GRID2: variants seen among roughly 807,000 people sequenced by gnomAD.
GRID2 encodes glutamate receptor ionotropic, delta-2.
A neutral mutation model predicts 114.8 loss-of-function variants in GRID2; 33 were observed. The observed-to-expected ratio is 0.29, with a 90% CI of 0.22 to 0.38. The LOEUF is 0.38. Among genes scored for constraint, GRID2 ranks in the 10% least tolerant of loss-of-function variants. The pLI, the probability that GRID2 is intolerant of heterozygous loss-of-function variation, is 1.00. For missense variants in GRID2, 1,184 were observed against 1,257.7 expected (o/e 0.94, Z 0.89); for synonymous variants, 505 against 449.9 (o/e 1.12, Z -1.55).
chr4:92,512,682 C>G (rs1214890916), intron 1 of GRID2, among the ~76,000 whole-genome samples: 1 of 151,736 alleles, frequency 6.6e-6, no homozygotes, highest in African/African-American at 2.4e-5. Context: ...TTGCTTGGTG[C>G]CTACACCTTA....
At chr4:93,777,670 A>G (rs1190964991), downstream of GRID2, among the ~76,000 whole-genome samples, 1 of 152,240 alleles carries the variant, frequency 6.6e-6, no homozygotes, top group African/African-American at 2.4e-5. Flanking sequence ...CAAAATTTTC[A>G]GCACATTAAT....
At chr4:92,632,837 C>T (rs1730877717) in intron 2 of GRID2, among the ~76,000 whole-genome samples, 1 of 152,030 alleles carries the variant, frequency 6.6e-6, no homozygotes, top group Admixed American at 6.6e-5. Flanking sequence ...GGTTAATTAA[C>T]AATTTTTACA....
At chr4:93,189,286 T>G (rs1489856201) in intron 4 of GRID2, among the ~76,000 whole-genome samples, 2 of 152,168 alleles carry the variant, frequency 1.3e-5, no homozygotes, top group Admixed American at 1.3e-4. Flanking sequence ...AAGATCAAGG[T>G]GCCAACAGAT....
chr4:93,612,498 G>A (rs1490021182), intron 13 of GRID2, among the ~76,000 whole-genome samples: 3 of 120,686 alleles, frequency 2.5e-5, no homozygotes, highest in South Asian at 3.0e-4. Context: ...CTCTTTTAGG[G>A]CAGGCCTGGT....
At chr4:92,443,699 G>A (rs1204625419) in intron 1 of GRID2, among the ~76,000 whole-genome samples, 1 of 152,080 alleles carries the variant, frequency 6.6e-6, no homozygotes, top group Non-Finnish European at 1.5e-5. Context: ...CTGAGAAGGG[G>A]TAGAGACAAG....
intron 2 of GRID2, among the ~76,000 whole-genome samples, chr4:93,020,741 G>T (rs897385774): frequency 3.3e-5 from 5 of 152,040 alleles, no homozygotes; most frequent in Non-Finnish European, 5.9e-5. Flanking sequence ...TTCTTTAAAA[G>T]AAATATATGG....
chr4:93,096,333 G>C (rs183230848), intron 3 of GRID2, among the ~76,000 whole-genome samples: 1 of 152,002 alleles, frequency 6.6e-6, no homozygotes, highest in East Asian at 1.9e-4. Flanking sequence ...GTACCAAAAA[G>C]AACATTTTGG....
intron 2 of GRID2, among the ~76,000 whole-genome samples, chr4:92,890,894 A>C (rs916062144): frequency 6.6e-6 from 1 of 152,218 alleles, no homozygotes; most frequent in African/African-American, 2.4e-5. Context: ...CTGGATAAAG[A>C]AAATGTGGCA....
chr4:93,212,900 G>T (rs1250222319), intron 5 of GRID2, among the ~76,000 whole-genome samples: 1 of 151,778 alleles, frequency 6.6e-6, no homozygotes. Context: ...AGTCTCCCAA[G>T]TAGCTGGGAT....
rs544413580 is a variant in GRID2, at chr4:93,516,215, G to A, written c.2193+804G>A. Reference sequence around the variant, plus strand: ...CACTTTTTCTCTCTGACCTTCCACTGCAGAATAATTTGGACTCCAAGTCTG... The same window carrying A: ...CACTTTTTCTCTCTGACCTTCCACTACAGAATAATTTGGACTCCAAGTCTG... On this transcript the variant is annotated intron_variant, in intron 13 of 15. Transcript: ENST00000282020. 2.0e-5 allele frequency among the ~76,000 whole-genome samples: 3 copies of A among 152,212 alleles called. No individual in the cohort carries two copies. The South Asian group carries it at 6.2e-4, about 32-fold the overall frequency.
At chr4:93,693,481 T>A (rs1447175025) in intron 14 of GRID2, among the ~76,000 whole-genome samples, 1 of 152,246 alleles carries the variant, frequency 6.6e-6, no homozygotes, top group Non-Finnish European at 1.5e-5. Context: ...TTTTGTTTTC[T>A]ATTTAAAGTG....
chr4:92,895,787 A>G (rs932117943), intron 2 of GRID2, among the ~76,000 whole-genome samples: 2 of 152,192 alleles, frequency 1.3e-5, no homozygotes, highest in African/African-American at 4.8e-5. Context: ...TGAAGAAACC[A>G]GGGAGTAACA....
chr4:92,677,811 TAG>T lies in GRID2; in HGVS notation c.244+87526_244+87527del, dbSNP rs144818566. ...GGCAAGCTTTTGTTTGTTTGTTTAA[TAG>T]CTTTCTACCTGATTTCATTATTTTC... On this transcript the variant is annotated intron_variant, in intron 2 of 15. Coordinates refer to ENST00000282020, the MANE Select transcript of GRID2 (RefSeq NM_001510.4). Among the ~76,000 whole-genome samples, 825 of 152,278 alleles carry T rather than the reference TAG, an allele frequency of 5.4e-3. 7 individuals carry two copies. The highest frequency in any genetic ancestry group is 0.019 in the African/African-American group (795 of 41,576).
chr4:93,352,552 CCA>C (rs1760907444), intron 8 of GRID2, among the ~76,000 whole-genome samples: 1 of 152,006 alleles, frequency 6.6e-6, no homozygotes, highest in Non-Finnish European at 1.5e-5. Context: ...AATAATCTGT[CCA>C]CAGTCTCACA....
At chr4:93,480,496 A>G (rs1404153975) in intron 11 of GRID2, among the ~76,000 whole-genome samples, 2 of 152,056 alleles carry the variant, frequency 1.3e-5, no homozygotes, top group African/African-American at 4.8e-5. Context: ...AATAGATTGT[A>G]TATTATGTAA....
At chr4:93,029,589 C>G (rs900211597) in intron 2 of GRID2, among the ~76,000 whole-genome samples, 14 of 152,018 alleles carry the variant, frequency 9.2e-5, no homozygotes, top group Non-Finnish European at 1.9e-4. Flanking sequence ...TTTTTTCACA[C>G]TAAAAATATC....
intron 1 of GRID2, among the ~76,000 whole-genome samples, chr4:92,357,593 A>C (rs1407221416): frequency 6.6e-6 from 1 of 151,694 alleles, no homozygotes; most frequent in African/African-American, 2.4e-5. Flanking sequence ...CTGTTATATA[A>C]TTTTCACATT....
intron 2 of GRID2, among the ~76,000 whole-genome samples, chr4:92,973,610 A>C (rs1560759550): frequency 1.3e-5 from 2 of 152,186 alleles, no homozygotes. Flanking sequence ...GAAGATTAAG[A>C]GCACCAGAAC....
At chr4:93,368,906 A>G (rs1762599579) in intron 8 of GRID2, among the ~76,000 whole-genome samples, 1 of 152,042 alleles carries the variant, frequency 6.6e-6, no homozygotes, top group Non-Finnish European at 1.5e-5. Context: ...GATTTCATCT[A>G]AAAAGAGAGA....
Sources: allele counts gnomAD v4.1 joint callset (sites outside exome capture counted in the v4.1 genomes callset), GRCh38; gene constraint gnomAD v4.1.1; transcripts MANE v1.5; gene names NCBI Gene and HGNC (gene_info 2026-07-23, HGNC 2026-07-21).